DGKQ: variants seen among roughly 807,000 people sequenced by gnomAD.
DGKQ encodes the protein diacylglycerol kinase theta.
A neutral mutation model predicts 104.2 loss-of-function variants in DGKQ; 97 were observed. The ratio of observed to expected loss-of-function variants is 0.93; its 90% CI spans 0.79 to 1.10. DGKQ has a LOEUF of 1.10. Among genes scored for constraint, DGKQ ranks in the 50% least tolerant of loss-of-function variants. The pLI is 0.00. For synonymous variants in DGKQ, 736 were observed against 595.2 expected, an observed-to-expected ratio of 1.24 and a Z score of -3.44; for missense variants, 1,465 against 1,352.1, an observed-to-expected ratio of 1.08 and a Z score of -1.31.
chr4:960,965 G>A lies in DGKQ; in HGVS notation c.2727+84C>T, dbSNP rs185767693. ...TCCCTGGCCGCAGCCGGCCATGCCA[G>A]CACCACCTGGGTACCACTGGCCACT... On this transcript the variant is annotated intron_variant, in intron 22 of 22. Transcript: ENST00000273814. The A allele has an allele frequency of 6.3e-3, 9,841 of 1,565,036 alleles. 73 individuals carry two copies. Among genetic ancestry groups the A allele is most frequent in the Non-Finnish European group, 6.7e-3 (7,771 of 1,156,228 alleles).
rs771854589 is a variant in DGKQ, at chr4:967,761, G to A, written c.853C>T (p.Pro285Ser). 6.2e-7 allele frequency: 1 copy of A among 1,609,600 alleles called. No individual in the cohort carries two copies. Among genetic ancestry groups the A allele is most frequent in the Non-Finnish European group, 8.5e-7 (1 of 1,178,462 alleles). Residue 285 changes from proline (P) to serine (S), a missense_variant, in exon 7 of 23, where the codon CCA becomes TCA. By Grantham distance (74) the Pro-to-Ser change is moderately conservative. Transcript: ENST00000273814. ...DGADGSAAVGPGRETQATPES... is the reference protein window; with the variant it reads ...DGADGSAAVGSGRETQATPES... ...GGAGTTGCCTGTGTCTCTCTGCCTG[G>A]ACCCACGGCAGCGCTCCCGTCGGCG... is the stretch of plus-strand genomic sequence containing the variant.
chr4:963,827 A>G (rs1560512475), intron 15 of DGKQ, among the ~76,000 whole-genome samples: 1 of 152,158 alleles, frequency 6.6e-6, no homozygotes, highest in Non-Finnish European at 1.5e-5. Context: ...CAACCCCAAG[A>G]AACAGTACCC....
chr4:966,000 C>G lies in DGKQ; in HGVS notation c.1507G>C (p.Val503Leu), dbSNP rs776258085. The G allele has an allele frequency of 6.8e-6, 11 of 1,606,068 alleles. No individual in the cohort carries two copies. Among genetic ancestry groups the G allele is most frequent in the Middle Eastern group, 1.7e-4 (1 of 6,052 alleles). ...GACAGGCCGGGAGGCAGGCCGCCAA[C>G]AAACAGGGAGACGTGCGGGGCTACA... ...RDVAPHVSLF[V>L]GGLPPGLSPE... is the part of the protein sequence containing the mutation. Residue 503 changes from valine (V) to leucine (L), a missense_variant, in exon 13 of 23, where the codon GTT (valine) becomes CTT (leucine). Coordinates refer to ENST00000273814, the MANE Select transcript of DGKQ (RefSeq NM_001347.4).
At position 971,124 on chromosome 4, in the gene DGKQ, C is replaced by G; in HGVS notation, c.272-52G>C. 7.0e-7 allele frequency: 1 copy of G among 1,420,890 alleles called. No individual in the cohort carries two copies. The allele number at this position is 1,420,890 out of a possible 1,614,324, so 88.0% of individuals were successfully genotyped here. A position where few individuals can be genotyped will look rare whatever the true frequency, so the allele number is the denominator to read the frequency against. On this transcript the variant is annotated intron_variant, in intron 1 of 22. Transcript: ENST00000273814. This position sits in a 1 kb window ranked among gnomAD's most constrained non-coding sequence, Gnocchi z 4.0. ...GGCCCCTGTCCTACCCAATGGCTGTCCTACCCAGGAAGTTAGAGGCCCCAG... is the reference window on the plus strand; with the variant it reads ...GGCCCCTGTCCTACCCAATGGCTGTGCTACCCAGGAAGTTAGAGGCCCCAG...
Position 968,491 on chromosome 4 carries a change from C to A in DGKQ, c.525G>T (p.Gly175=). 6.2e-7 allele frequency: 1 copy of A among 1,606,374 alleles called. No homozygotes were observed. The highest frequency in any genetic ancestry group is 8.5e-7 in the Non-Finnish European group (1 of 1,177,022). ...CSDCRQCHQD[G]HQDHDTHHHH... ...CCGGTACACTCACGTGATCCTGGTG[C>A]CCATCCTGGTGGCACTGGCGGCAGT... The change falls in exon 4 of 23, where the codon GGG becomes GGT. Residue 175 remains glycine, a synonymous_variant. Transcript: ENST00000273814.
Position 966,016 on chromosome 4 carries a change from C to G in DGKQ, c.1491G>C (p.Pro497=). The G allele has an allele frequency of 6.2e-7, 1 of 1,604,884 alleles. No individual in the cohort carries two copies. Among genetic ancestry groups the G allele is most frequent in the Non-Finnish European group, 8.5e-7 (1 of 1,176,700 alleles). The change falls in exon 13 of 23, where the codon CCG becomes CCC. Residue 497 remains proline, a synonymous_variant. Coordinates refer to ENST00000273814, the MANE Select transcript of DGKQ (RefSeq NM_001347.4). Reference sequence around the variant, plus strand: ...GGCCGCCAACAAACAGGGAGACGTGCGGGGCTACATCCCTGCTCTCTGCCA... The same window carrying G: ...GGCCGCCAACAAACAGGGAGACGTGGGGGGCTACATCCCTGCTCTCTGCCA... The part of the protein sequence containing the change: ...FYVAESRDVA[P]HVSLFVGGLP...
rs766836387 is a variant in DGKQ, at chr4:961,769, T to C, written c.2381A>G (p.His794Arg). The change falls in exon 20 of 23, where the codon CAC (histidine) becomes CGC (arginine). Residue 794 changes from histidine (H) to arginine (R), a missense_variant. Coordinates refer to ENST00000273814, the MANE Select transcript of DGKQ (RefSeq NM_001347.4). ...CTCCACCTGCAGCCGGATCTGCTTG[T>C]GCAGGCTCCGAGAGTGACTGATCTT... ...LQKISHSRSL[H>R]KQIRLQVERQ... 1.2e-6 allele frequency: 2 copies of C among 1,612,236 alleles called. No homozygotes were observed. The highest frequency in any genetic ancestry group is 1.7e-6 in the Non-Finnish European group (2 of 1,179,656).
chr4:962,111 C>G (rs1190723383), intron 18 of DGKQ, 29 bp from the exon 19 acceptor site: 2 of 1,588,958 alleles, frequency 1.3e-6, no homozygotes, highest in Non-Finnish European at 1.7e-6. Context: ...TCTCCCAGGA[C>G]CCGGCCGCCC....
chr4:962,651 C>T (rs1711977822), intron 17 of DGKQ, 38 bp from the exon 18 acceptor site: 1 of 1,596,494 alleles, frequency 6.3e-7, no homozygotes, highest in Non-Finnish European at 8.5e-7. Flanking sequence ...TGTCCACACC[C>T]ACCCGCCCAT....
chr4:962,412 C>T (rs1711955793), intron 18 of DGKQ, 23 bp downstream of exon 18: 2 of 1,535,356 alleles, frequency 1.3e-6, no homozygotes, highest in Non-Finnish European at 1.7e-6. Flanking sequence ...CTGGAAGGCA[C>T]CCCACGCCGG....
At chr4:969,618 T>TC (rs1190081634) in intron 2 of DGKQ, among the ~76,000 whole-genome samples, 3 of 151,516 alleles carry the variant, frequency 2.0e-5, no homozygotes, top group Non-Finnish European at 4.4e-5. Flanking sequence ...TCTCCTTTTT[T>TC]TTTTTTTTTG....
intron 22 of DGKQ, 26 bp from the exon 23 acceptor site, chr4:960,747 C>G: frequency 6.2e-7 from 1 of 1,607,904 alleles, no homozygotes; most frequent in Non-Finnish European, 8.5e-7. Flanking sequence ...GGACAGAGGA[C>G]CAGGGTGACA....
At chr4:970,886 T>C in intron 2 of DGKQ, 107 bp downstream of exon 2, 1 of 795,996 alleles carries the variant, frequency 1.3e-6, no homozygotes, top group Middle Eastern at 3.5e-4. Flanking sequence ...GCCTTTCAAC[T>C]GCAGGTATCA....
intron 11 of DGKQ, 63 bp from the exon 12 acceptor site, chr4:966,590 C>T: frequency 1.9e-6 from 3 of 1,566,072 alleles, no homozygotes; most frequent in Non-Finnish European, 2.6e-6. Context: ...AAGCAGCTGC[C>T]CGGAGCCCCC....
intron 2 of DGKQ, among the ~76,000 whole-genome samples, chr4:969,612 C>T (rs1429118020): frequency 2.1e-5 from 3 of 143,282 alleles, no homozygotes; most frequent in South Asian, 2.2e-4. Context: ...AATATATCTC[C>T]TTTTTTTTTT....
intron 2 of DGKQ, among the ~76,000 whole-genome samples, chr4:969,491 G>C (rs765623203): frequency 6.6e-6 from 1 of 152,192 alleles, no homozygotes; most frequent in African/African-American, 2.4e-5. Context: ...CCTGACTCTC[G>C]CCCTTGTCCC....
chr4:961,613 T>C, intron 20 of DGKQ, 35 bp from the exon 21 acceptor site: 1 of 1,610,112 alleles, frequency 6.2e-7, no homozygotes, highest in Non-Finnish European at 8.5e-7. Flanking sequence ...GAGGTGTAGG[T>C]GCAGGCAGGA....
At position 963,258 on chromosome 4, in the gene DGKQ, G is replaced by A. The variant is rs759000511; in HGVS notation, c.1767C>T (p.Leu589=). 51 of 1,609,842 alleles carry A rather than the reference G, an allele frequency of 3.2e-5. No individual in the cohort carries two copies. Among genetic ancestry groups the A allele is most frequent in the Non-Finnish European group, 4.1e-5 (48 of 1,177,624 alleles). ...HAKLPPDSCP[L]LVFVNPKSGG... ...CACTCTTGGGGTTCACGAACACAAG[G>A]AGGGGACAGCTGTCTGGGGGCAGCT... The change falls in exon 16 of 23, where the codon CTC becomes CTT. Residue 589 remains leucine (L), a synonymous_variant. Coordinates refer to ENST00000273814, the MANE Select transcript of DGKQ (RefSeq NM_001347.4).
chr4:968,337 G>A lies in DGKQ; in HGVS notation c.608C>T (p.Thr203Met), dbSNP rs763118897. The change falls in exon 5 of 23, where the codon ACG becomes ATG. Residue 203 changes from threonine (T) to methionine (M), a missense_variant. Thr to Met is a moderately conservative substitution (Grantham distance 81). Transcript: ENST00000273814. ...GGCCAGCACGTCAGAGGAGCCGCAC[G>A]TCTTCCTGCAGACCTCGCAGCGCGC... ...SGARCEVCRKTCGSSDVLAGV... is the reference protein window; with the variant it reads ...SGARCEVCRKMCGSSDVLAGV... 27 of 1,257,424 alleles carry A rather than the reference G, an allele frequency of 2.1e-5. No individual in the cohort carries two copies. Among genetic ancestry groups the A allele is most frequent in the South Asian group, 2.5e-5 (2 of 78,654 alleles). The allele number at this position is 1,257,424 out of a possible 1,614,324, so 77.9% of individuals were successfully genotyped here.
Sources: gnomAD v4.1 joint callset for allele counts (sites outside exome capture counted in the v4.1 genomes callset) on GRCh38, gnomAD v4.1.1 for gene constraint, Gnocchi (gnomAD v3.1) non-coding constraint, MANE v1.5 for transcripts, NCBI Gene and HGNC (gene_info 2026-07-23, HGNC 2026-07-21) for gene names.